The following LGI1 variants were observed in gnomAD, a reference collection of about 807,000 sequenced individuals.
The protein encoded by LGI1 is leucine rich glioma inactivated 1.
A neutral mutation model predicts 57.7 loss-of-function variants in LGI1; 11 were observed. The observed-to-expected ratio is 0.19, with a 90% confidence interval of 0.12 to 0.32. LGI1 has a LOEUF of 0.32. Ranked by LOEUF, LGI1 falls within the 10% of genes least tolerant of loss-of-function variation. LGI1 has a pLI of 1.00. For synonymous variants in LGI1, 222 were observed against 241.9 expected (o/e 0.92, Z 0.76); for missense variants, 422 against 661.9 (o/e 0.64, Z 3.98).
chr10:93,774,153 A>C (rs560064877), intron 2 of LGI1, among the ~76,000 whole-genome samples: 2 of 152,292 alleles, frequency 1.3e-5, no homozygotes, highest in African/African-American at 4.8e-5. Context: ...CTTGGTCACC[A>C]CAGGTAAAGG....
At chr10:93,779,259 C>T (rs1167218301) in intron 4 of LGI1, among the ~76,000 whole-genome samples, 1 of 152,096 alleles carries the variant, frequency 6.6e-6, no homozygotes, top group African/African-American at 2.4e-5. Flanking sequence ...ATCATGAGAG[C>T]TGTAGGGAGG....
chr10:93,762,774 A>T (rs2059636714), intron 2 of LGI1: 1 of 152,212 alleles, frequency 6.6e-6, no homozygotes, highest in Non-Finnish European at 1.5e-5. Flanking sequence ...CTTTCTTAAA[A>T]ATAATTTTAA....
chr10:93,790,020 C>A, intron 4 of LGI1, 79 bp from the exon 5 acceptor site: 1 of 1,340,314 alleles, frequency 7.5e-7, no homozygotes, highest in Non-Finnish European at 1.0e-6. Context: ...AAAAGAGACT[C>A]ATCACTAAGC....
intron 4 of LGI1, chr10:93,782,768 G>C (rs1378852737): frequency 6.6e-6 from 1 of 152,256 alleles, no homozygotes; most frequent in East Asian, 1.9e-4. Context: ...AACCCAAGCT[G>C]AGAATCTGCA....
intron 4 of LGI1, among the ~76,000 whole-genome samples, chr10:93,784,970 G>A (rs536689213): frequency 6.6e-6 from 1 of 152,038 alleles, no homozygotes; most frequent in Non-Finnish European, 1.5e-5. Flanking sequence ...CTTAACAGTG[G>A]TTACTTCTGC....
intron 7 of LGI1, among the ~76,000 whole-genome samples, chr10:93,796,152 A>T (rs977130014): frequency 1.3e-5 from 2 of 152,234 alleles, no homozygotes; most frequent in Admixed American, 1.3e-4. Context: ...AGCAGTGCCC[A>T]TGGCTGCACC....
Position 93,790,269 on chromosome 10 carries a change from T to G in LGI1, c.503+99T>G, listed in dbSNP as rs12255855. 0.02 allele frequency: 21,928 copies of G among 1,090,716 alleles called. 2,122 individuals are homozygous for G. The African/African-American group carries it at 0.25, about 13-fold the overall frequency. 67.6% of individuals were successfully genotyped at this position (1,090,716 alleles called of 1,614,324 possible). On this transcript the variant is annotated intron_variant, in intron 5 of 7. Transcript: ENST00000371418. ...TTATAATTTTTAATTGGCTTTTAAA[T>G]TAAAATTAGGATTTTTAAATCTAAA... is the stretch of plus-strand genomic sequence containing the variant.
chr10:93,765,678 TG>T (rs1244945884), intron 2 of LGI1: 1 of 152,138 alleles, frequency 6.6e-6, no homozygotes, highest in African/African-American at 2.4e-5. Context: ...GTTAAAGAAA[TG>T]GACAACGATG....
intron 4 of LGI1, among the ~76,000 whole-genome samples, chr10:93,783,262 G>A (rs1377311020): frequency 6.6e-6 from 1 of 152,278 alleles, no homozygotes; most frequent in African/African-American, 2.4e-5. Context: ...TGTAGTCCCA[G>A]CTACTCGGGA....
At chr10:93,793,837 G>C (rs1242395686) in intron 7 of LGI1, 1 of 157,496 alleles carries the variant, frequency 6.3e-6, no homozygotes, top group African/African-American at 2.4e-5. Context: ...TGTATGCCTT[G>C]TAATGAAAAG....
At position 93,797,307 on chromosome 10, in the gene LGI1, C is replaced by T; in HGVS notation, c.1178C>T (p.Thr393Ile). ...CTAGAAATAGTCAGAACACCTCAGA[C>T]ACTCAGAACGCCTCATTTAATTCTG... ...EYLEIVRTPQ[T>I]LRTPHLILSS... is the part of the protein sequence containing the mutation. The change falls in exon 8 of 8, where the codon ACA becomes ATA. Residue 393 changes from threonine to isoleucine, a missense_variant. Transcript: ENST00000371418. The surrounding 1 kb of genome is among the most constrained non-coding windows in gnomAD (Gnocchi z 6.5). 1 of 1,614,170 alleles carries T rather than the reference C, an allele frequency of 6.2e-7. No individual in the cohort carries two copies. Among genetic ancestry groups the T allele is most frequent in the South Asian group, 1.1e-5 (1 of 91,078 alleles).
At chr10:93,792,609 G>T in intron 5 of LGI1, 134 bp from the exon 6 acceptor site, 1 of 863,514 alleles carries the variant, frequency 1.2e-6, no homozygotes, top group East Asian at 2.5e-5. Flanking sequence ...TGGTCAGTCA[G>T]GTTCCAGGCA....
At chr10:93,759,393 T>C (rs2059600072) in intron 2 of LGI1, 1 of 162,760 alleles carries the variant, frequency 6.1e-6, no homozygotes, top group African/African-American at 2.4e-5. Flanking sequence ...TAATATAGGA[T>C]AGTGCAAAGG....
chr10:93,793,998 T>C (rs2059957679), intron 7 of LGI1: 1 of 144,726 alleles, frequency 6.9e-6, no homozygotes, highest in South Asian at 2.2e-4. Context: ...CTTTCTTTTC[T>C]TTTCTTTTTT....
intron 4 of LGI1, among the ~76,000 whole-genome samples, chr10:93,788,162 G>A (rs542519433): frequency 6.6e-6 from 1 of 152,326 alleles, no homozygotes; most frequent in Non-Finnish European, 1.5e-5. Flanking sequence ...AATAAACTGA[G>A]ACACATAACA....
chr10:93,783,556 AGCT>A lies in LGI1; in HGVS notation c.431+5941_431+5943del, dbSNP rs577361705. Among the ~76,000 whole-genome samples the A allele has an allele frequency of 2.0e-5, 3 of 152,206 alleles. No homozygotes were observed. The South Asian group carries it at 6.2e-4, about 32-fold the overall frequency. ...CCTTCCTGAGGTGGGGGTCCACACCAGCTGGTGGGGACTGCACTAGTCACTCAC... is the reference window on the plus strand; with the variant it reads ...CCTTCCTGAGGTGGGGGTCCACACCAGGTGGGGACTGCACTAGTCACTCAC... On this transcript the variant is annotated intron_variant, in intron 4 of 7. Transcript: ENST00000371418.
intron 4 of LGI1, among the ~76,000 whole-genome samples, chr10:93,781,365 G>GTAAA (rs35338658): frequency 0.51 from 75,810 of 148,242 alleles, 21,360 homozygotes; most frequent in Non-Finnish European, 0.64. Flanking sequence ...TCTCTAAGAA[G>GTAAA]TAAATAAATA....
At chr10:93,790,211 G>A (rs1346940877) in intron 5 of LGI1, 41 bp downstream of exon 5, 2 of 1,483,912 alleles carry the variant, frequency 1.3e-6, no homozygotes, top group Non-Finnish European at 1.9e-6. Flanking sequence ...TAATTAATTT[G>A]CAGTCATTAA....
chr10:93,777,303 T>C, intron 2 of LGI1, 76 bp from the exon 3 acceptor site: 1 of 1,312,736 alleles, frequency 7.6e-7, no homozygotes, highest in Non-Finnish European at 1.1e-6. Flanking sequence ...CCCACTCATT[T>C]TTCTGAGAGA....
Sources: gnomAD v4.1 joint callset for allele counts (sites outside exome capture counted in the v4.1 genomes callset) on GRCh38, gnomAD v4.1.1 for gene constraint, Gnocchi (gnomAD v3.1) non-coding constraint, MANE v1.5 for transcripts, NCBI Gene and HGNC (gene_info 2026-07-23, HGNC 2026-07-21) for gene names.